CCDC12: variants seen among roughly 807,000 people sequenced by gnomAD.
The protein encoded by CCDC12 is coiled-coil domain containing 12.
Under a neutral mutation model 25.7 loss-of-function variants are expected in CCDC12, and 28 were observed. That is an observed-to-expected ratio of 1.09 (90% confidence interval 0.81 to 1.50). The LOEUF (loss-of-function observed/expected upper bound fraction) is 1.50, where lower values mean the gene tolerates loss of function less well. Ranked by LOEUF, CCDC12 falls within the 40% of genes most tolerant of loss-of-function variation. The pLI is 0.00. For missense variants in CCDC12, 198 were observed against 210.0 expected, an observed-to-expected ratio of 0.94 and a Z score of 0.35; for synonymous variants, 75 against 87.7, an observed-to-expected ratio of 0.86 and a Z score of 0.81.
upstream of CCDC12, chr3:46,977,074 C>T (rs553403060): frequency 2.3e-4 from 83 of 354,926 alleles, no homozygotes; most frequent in Non-Finnish European, 3.3e-4. Flanking sequence ...GTCGATCGCT[C>T]CGGTTTTGCC....
intron 1 of CCDC12, among the ~76,000 whole-genome samples, chr3:46,964,762 T>C (rs899718207): frequency 6.6e-5 from 10 of 152,044 alleles, no homozygotes; most frequent in African/African-American, 2.4e-4. Context: ...AGCATGCTCG[T>C]TAAGAGTCAT....
chr3:46,923,435 G>T, intron 4 of CCDC12, 72 bp from the exon 5 acceptor site: 1 of 1,550,404 alleles, frequency 6.4e-7, no homozygotes, highest in Non-Finnish European at 8.8e-7. Context: ...GGCTCGAGAA[G>T]GAGGGAAATG....
intron 1 of CCDC12, among the ~76,000 whole-genome samples, chr3:46,954,190 G>A (rs1030922294): frequency 5.3e-5 from 8 of 152,186 alleles, no homozygotes; most frequent in Non-Finnish European, 1.2e-4. Flanking sequence ...CTCTGGTCCT[G>A]AGGACATGTG....
intron 6 of CCDC12, 26 bp downstream of exon 6, chr3:46,922,210 C>T (rs2032711929): frequency 1.2e-6 from 2 of 1,613,982 alleles, no homozygotes; most frequent in South Asian, 2.2e-5. Flanking sequence ...TGGGCAGGAC[C>T]CCACCTTCCC....
At chr3:46,930,491 T>C (rs1399731743) in intron 2 of CCDC12, among the ~76,000 whole-genome samples, 1 of 152,168 alleles carries the variant, frequency 6.6e-6, no homozygotes, top group Non-Finnish European at 1.5e-5. Context: ...GAAAGCCCAA[T>C]GGCTTCTAAG....
At chr3:46,935,799 A>G (rs575593212) in intron 2 of CCDC12, among the ~76,000 whole-genome samples, 62 of 152,328 alleles carry the variant, frequency 4.1e-4, no homozygotes, top group Non-Finnish European at 6.6e-4. Flanking sequence ...CTCCCACCCA[A>G]TGGGGATTTG....
At chr3:46,922,196 C>T in intron 6 of CCDC12, 40 bp downstream of exon 6, 1 of 1,614,082 alleles carries the variant, frequency 6.2e-7, no homozygotes, top group South Asian at 1.1e-5. Flanking sequence ...GGGCCACCAC[C>T]CAGTGGGCAG....
chr3:46,949,518 CTG>C (rs1193267731), intron 1 of CCDC12, among the ~76,000 whole-genome samples: 11 of 152,200 alleles, frequency 7.2e-5, no homozygotes, highest in Non-Finnish European at 1.5e-4. Flanking sequence ...TGTAGGGGCA[CTG>C]TGGTATGCAG....
At chr3:46,938,770 C>T (rs1314946424) in intron 2 of CCDC12, among the ~76,000 whole-genome samples, 1 of 151,696 alleles carries the variant, frequency 6.6e-6, no homozygotes, top group Non-Finnish European at 1.5e-5. Flanking sequence ...ATCGCTTGAG[C>T]TTGGGAGCCA....
At chr3:46,977,110 C>T, upstream of CCDC12, 1 of 226,438 alleles carries the variant, frequency 4.4e-6, no homozygotes, top group Non-Finnish European at 8.8e-6. Context: ...CTAATCACTC[C>T]ATGCTGGCCT....
At chr3:46,976,946 T>C (rs894112075), upstream of CCDC12, 2 of 399,410 alleles carry the variant, frequency 5.0e-6, no homozygotes, top group Admixed American at 1.0e-4. Flanking sequence ...GCCTAGTGGG[T>C]GGGGAGCCAG....
chr3:46,929,447 C>T (rs1457054639), intron 2 of CCDC12, among the ~76,000 whole-genome samples: 1 of 152,188 alleles, frequency 6.6e-6, no homozygotes, highest in East Asian at 1.9e-4. Context: ...GGAGACTGGG[C>T]AGGGTGTGAC....
chr3:46,979,166 C>G (rs2035128512), upstream of CCDC12, among the ~76,000 whole-genome samples: 1 of 152,204 alleles, frequency 6.6e-6, no homozygotes, highest in South Asian at 2.1e-4. Flanking sequence ...TCTCTGGGAT[C>G]TGGGAGGGCA....
chr3:46,933,139 T>A (rs1406459622), intron 2 of CCDC12, among the ~76,000 whole-genome samples: 2 of 152,286 alleles, frequency 1.3e-5, no homozygotes, highest in East Asian at 3.9e-4. Flanking sequence ...GAAAAACTCC[T>A]GCAGCCTACC....
chr3:46,936,420 C>G (rs1409117134), intron 2 of CCDC12, among the ~76,000 whole-genome samples: 5 of 152,240 alleles, frequency 3.3e-5, no homozygotes, highest in African/African-American at 1.2e-4. Flanking sequence ...CTCACGGTGC[C>G]TTCCTTCTGC....
intron 3 of CCDC12, chr3:46,925,073 T>G (rs1459840426): frequency 2.7e-6 from 1 of 376,246 alleles, no homozygotes; most frequent in African/African-American, 2.1e-5. Context: ...GACTGGCCCC[T>G]GTCTCTGACC....
upstream of CCDC12, among the ~76,000 whole-genome samples, chr3:46,981,396 C>T (rs929988322): frequency 5.3e-5 from 8 of 152,014 alleles, 1 homozygote; most frequent in East Asian, 5.8e-4. Context: ...GAGCCGAGAT[C>T]GCGCCACTGC....
At chr3:46,948,305 C>T (rs1203869457) in intron 1 of CCDC12, among the ~76,000 whole-genome samples, 1 of 152,198 alleles carries the variant, frequency 6.6e-6, no homozygotes, top group Admixed American at 6.5e-5. Context: ...TTCATGTGTT[C>T]CCTAAAGGCT....
rs564177374 is a variant in CCDC12, at chr3:46,976,565, G to A, written c.96+72C>T. The A allele has an allele frequency of 5.8e-4, 891 of 1,546,948 alleles. 8 individuals carry two copies. The South Asian group carries it at 9.9e-3, about 17-fold the overall frequency. On this transcript the variant is annotated intron_variant, in intron 1 of 6. Transcript: ENST00000683445. ...AGCTGTCTTTCCTTATTAGCCCTTT[G>A]CTCTCCTCAAGCGCGACCCGGACCC... is the stretch of plus-strand genomic sequence containing the variant.
Sources: gnomAD v4.1 joint callset for allele counts (sites outside exome capture counted in the v4.1 genomes callset) on GRCh38, gnomAD v4.1.1 for gene constraint, MANE v1.5 for transcripts, NCBI Gene and HGNC (gene_info 2026-07-23, HGNC 2026-07-21) for gene names.